Variants in FSD1L observed in about 807,000 individuals in gnomAD.
The protein encoded by FSD1L is FSD1-like protein.
Under a neutral mutation model 71.6 loss-of-function variants are expected in FSD1L, and 45 were observed. The observed-to-expected ratio is 0.63, with a 90% confidence interval of 0.49 to 0.81. FSD1L has a LOEUF of 0.81. FSD1L is among the 30% of genes least tolerant of loss of function. The pLI, the probability that FSD1L is intolerant of heterozygous loss-of-function variation, is 0.00. For synonymous variants in FSD1L, 197 were observed against 207.2 expected (o/e 0.95, Z 0.42); for missense variants, 561 against 618.1 (o/e 0.91, Z 0.98).
intron 8 of FSD1L, among the ~76,000 whole-genome samples, chr9:105,507,856 CATGATTCCTCTT>C (rs1292864666): frequency 1.3e-5 from 2 of 149,660 alleles, no homozygotes; most frequent in East Asian, 3.9e-4. Context: ...ATAATTAAAT[CATGATTCCTCTT>C]ATTTTGAGCA....
chr9:105,449,177 A>C (rs1221049213), intron 1 of FSD1L, among the ~76,000 whole-genome samples: 1 of 152,208 alleles, frequency 6.6e-6, no homozygotes, highest in Non-Finnish European at 1.5e-5. Flanking sequence ...GACTTAGAAC[A>C]ACGTTTTCTA....
intron 7 of FSD1L, among the ~76,000 whole-genome samples, chr9:105,489,199 A>G (rs956811751): frequency 5.9e-5 from 9 of 152,134 alleles, no homozygotes; most frequent in Middle Eastern, 3.2e-3. Flanking sequence ...AATATAGCCA[A>G]TCCTCCCACC....
At chr9:105,450,891 A>T (rs924617660) in intron 1 of FSD1L, among the ~76,000 whole-genome samples, 1 of 152,288 alleles carries the variant, frequency 6.6e-6, no homozygotes, top group East Asian at 1.9e-4. Flanking sequence ...AAATACTGTT[A>T]GCTACTGTTA....
At chr9:105,515,306 G>A (rs1834644090) in intron 10 of FSD1L, among the ~76,000 whole-genome samples, 2 of 152,162 alleles carry the variant, frequency 1.3e-5, no homozygotes, top group African/African-American at 4.8e-5. Flanking sequence ...GAAGTTTGTG[G>A]CTAATGTGGA....
chr9:105,443,961 G>C (rs1189957533), upstream of FSD1L, among the ~76,000 whole-genome samples: 2 of 152,152 alleles, frequency 1.3e-5, no homozygotes, highest in African/African-American at 4.8e-5. Flanking sequence ...GAGAGCCTTG[G>C]AGTCTTCCCA....
intron 5 of FSD1L, chr9:105,473,020 G>A (rs1831572056): frequency 6.6e-6 from 1 of 152,148 alleles, no homozygotes. Flanking sequence ...AGTATGATAT[G>A]TTGGCCAGGT....
intron 1 of FSD1L, among the ~76,000 whole-genome samples, chr9:105,453,083 G>C (rs1438635645): frequency 8.1e-6 from 1 of 123,826 alleles, no homozygotes; most frequent in Admixed American, 1.1e-4. Context: ...CTAGTTAAGT[G>C]TAGTGAAAAT....
At chr9:105,515,424 A>G (rs147984404) in intron 10 of FSD1L, among the ~76,000 whole-genome samples, 55 of 152,328 alleles carry the variant, frequency 3.6e-4, no homozygotes, top group African/African-American at 1.3e-3. Flanking sequence ...TCCAGTCTGC[A>G]GCTCCCAGCA....
At chr9:105,528,384 A>G (rs1835662719) in intron 10 of FSD1L, among the ~76,000 whole-genome samples, 2 of 152,220 alleles carry the variant, frequency 1.3e-5, no homozygotes, top group South Asian at 2.1e-4. Context: ...TTCAAACTAT[A>G]CTACAAGGCT....
At chr9:105,541,769 C>G (rs1169352087) in intron 13 of FSD1L, among the ~76,000 whole-genome samples, 4 of 152,122 alleles carry the variant, frequency 2.6e-5, no homozygotes, top group Non-Finnish European at 5.9e-5. Flanking sequence ...CTAGAAAATT[C>G]CTTTGTGTTC....
At chr9:105,545,854 G>T (rs1440156784) in intron 13 of FSD1L, among the ~76,000 whole-genome samples, 1 of 151,998 alleles carries the variant, frequency 6.6e-6, no homozygotes, top group Non-Finnish European at 1.5e-5. Flanking sequence ...TTTTTGTCAG[G>T]AGTCCTTCTT....
intron 1 of FSD1L, among the ~76,000 whole-genome samples, chr9:105,449,453 G>T (rs1360631762): frequency 6.6e-6 from 1 of 152,158 alleles, no homozygotes; most frequent in African/African-American, 2.4e-5. Flanking sequence ...TTAGATAAAA[G>T]AAATGATATT....
intron 13 of FSD1L, among the ~76,000 whole-genome samples, chr9:105,543,301 G>T (rs570982386): frequency 6.6e-6 from 1 of 151,956 alleles, no homozygotes; most frequent in Admixed American, 6.6e-5. Flanking sequence ...TAATATATAC[G>T]GTAGTTGATG....
chr9:105,493,174 C>T (rs1005545120), intron 7 of FSD1L, among the ~76,000 whole-genome samples: 1 of 152,070 alleles, frequency 6.6e-6, no homozygotes, highest in African/African-American at 2.4e-5. Flanking sequence ...CTTTATGAAT[C>T]TGGGTGCTCC....
chr9:105,539,930 A>G (rs1836500320), intron 13 of FSD1L, among the ~76,000 whole-genome samples: 1 of 152,096 alleles, frequency 6.6e-6, no homozygotes, highest in Non-Finnish European at 1.5e-5. Flanking sequence ...TGGGGGCTAT[A>G]CAAATAGAAC....
Position 105,524,823 on chromosome 9 carries a change from G to A in FSD1L, c.1026-9670G>A, listed in dbSNP as rs574749712. The A allele has an allele frequency of 4.7e-5, 74 of 1,587,550 alleles. No individual in the cohort carries two copies. In the African/African-American group the frequency reaches 5.2e-4, roughly 11 times the overall value. On this transcript the variant is annotated intron_variant, in intron 10 of 13. Transcript: ENST00000481272. Reference sequence around the variant, plus strand: ...TCACCTGGGCCATTATCCAATGAGCGGTGGTCCTGCTATGCTAACAAGTCA... The same window carrying A: ...TCACCTGGGCCATTATCCAATGAGCAGTGGTCCTGCTATGCTAACAAGTCA...
chr9:105,501,813 G>A (rs545252362), intron 7 of FSD1L, among the ~76,000 whole-genome samples: 2 of 152,166 alleles, frequency 1.3e-5, no homozygotes, highest in East Asian at 1.9e-4. Flanking sequence ...AACACAGACT[G>A]TACTTTCCAG....
chr9:105,490,035 G>A (rs1369709748), intron 7 of FSD1L, among the ~76,000 whole-genome samples: 4 of 152,142 alleles, frequency 2.6e-5, no homozygotes, highest in Non-Finnish European at 4.4e-5. Context: ...TGGGATGGCT[G>A]GGTCAAATGG....
At chr9:105,455,787 C>T (rs1216528580) in intron 1 of FSD1L, among the ~76,000 whole-genome samples, 1 of 152,174 alleles carries the variant, frequency 6.6e-6, no homozygotes, top group South Asian at 2.1e-4. Flanking sequence ...AAAGTTACTC[C>T]ATATTAGCAG....
Sources: gnomAD v4.1 joint callset for allele counts (sites outside exome capture counted in the v4.1 genomes callset) on GRCh38, gnomAD v4.1.1 for gene constraint, MANE v1.5 for transcripts, NCBI Gene and HGNC (gene_info 2026-07-23, HGNC 2026-07-21) for gene names.